PIK3R3: variants seen among roughly 807,000 people sequenced by gnomAD.
The protein encoded by PIK3R3 is phosphoinositide-3-kinase regulatory subunit 3, also known as phosphatidylinositol 3-kinase regulatory subunit gamma.
A neutral mutation model predicts 62.9 loss-of-function variants in PIK3R3; 64 were observed. That is an observed-to-expected ratio of 1.02 (90% CI 0.83 to 1.25). PIK3R3 has a LOEUF of 1.25. PIK3R3 is among the 50% of genes most tolerant of loss of function. PIK3R3 has a pLI of 0.00. For missense variants in PIK3R3, 614 were observed against 561.6 expected (o/e 1.09, Z -0.94); for synonymous variants, 165 against 189.0 (o/e 0.87, Z 1.04).
At chr1:46,137,630 C>T (rs562037055), upstream of PIK3R3, among the ~76,000 whole-genome samples, 1 of 152,330 alleles carries the variant, frequency 6.6e-6, no homozygotes, top group East Asian at 1.9e-4. Context: ...CTGTGCTGGC[C>T]TCTGCACAGC....
the PIK3R3 span, among the ~76,000 whole-genome samples, chr1:46,149,352 G>A: frequency 1.4e-5 from 2 of 147,472 alleles, no homozygotes; most frequent in East Asian, 2.2e-4. Flanking sequence ...AACCCAGGAG[G>A]TAGAGGTTGC....
At chr1:46,136,098 A>G (rs1380754337), upstream of PIK3R3, among the ~76,000 whole-genome samples, 10 of 145,866 alleles carry the variant, frequency 6.9e-5, no homozygotes, top group South Asian at 1.9e-3. Context: ...GATCACTAGC[A>G]TTAGCACCAG....
chr1:46,085,352 C>A (rs1397011207), intron 1 of PIK3R3, among the ~76,000 whole-genome samples: 3 of 152,180 alleles, frequency 2.0e-5, no homozygotes, highest in African/African-American at 7.2e-5. Context: ...TAGATAGACA[C>A]AGTCTCCATA....
chr1:46,062,583 A>AAAAACG (rs1442993462), intron 5 of PIK3R3, among the ~76,000 whole-genome samples: 78 of 152,182 alleles, frequency 5.1e-4, no homozygotes, highest in African/African-American at 1.8e-3. Flanking sequence ...TCAAAAAAAC[A>AAAAACG]AAAAGGCATC....
chr1:46,109,129 A>AT (rs1653486606), intron 1 of PIK3R3, among the ~76,000 whole-genome samples: 1 of 150,450 alleles, frequency 6.6e-6, no homozygotes, highest in Non-Finnish European at 1.5e-5. Flanking sequence ...ACTGCACTCC[A>AT]TCCAGCCTGG....
At chr1:46,107,838 A>T (rs1310844790) in intron 1 of PIK3R3, among the ~76,000 whole-genome samples, 2 of 152,228 alleles carry the variant, frequency 1.3e-5, no homozygotes, top group Non-Finnish European at 2.9e-5. Flanking sequence ...TGCTTTTTTA[A>T]CTAAAAATTA....
At chr1:46,107,258 G>A (rs1041953842) in intron 1 of PIK3R3, among the ~76,000 whole-genome samples, 9 of 152,070 alleles carry the variant, frequency 5.9e-5, no homozygotes, top group African/African-American at 1.9e-4. Flanking sequence ...GCTGAGGCAT[G>A]AGAATTGCTT....
chr1:46,172,943 A>G, the PIK3R3 span, among the ~76,000 whole-genome samples: 7 of 152,158 alleles, frequency 4.6e-5, no homozygotes, highest in African/African-American at 1.2e-4. Context: ...CAGTGAGACA[A>G]GATTGCGCCA....
At chr1:46,055,677 CT>C in intron 7 of PIK3R3, 117 bp downstream of exon 7, 2 of 704,194 alleles carry the variant, frequency 2.8e-6, no homozygotes, top group Non-Finnish European at 4.7e-6. Flanking sequence ...TTCTTACCAT[CT>C]TACTGGCCAA....
chr1:46,074,301 AAAAAAAAAAAAAAAAAC>A (rs1391035930), intron 3 of PIK3R3, among the ~76,000 whole-genome samples: 6 of 144,228 alleles, frequency 4.2e-5, no homozygotes, highest in Admixed American at 7.0e-5. Flanking sequence ...AAAAAAAAAA[AAAAAAAAAAAAAAAAAC>A]CAATAAATTC....
chr1:46,081,879 G>A (rs1365734717), intron 1 of PIK3R3, among the ~76,000 whole-genome samples: 1 of 152,088 alleles, frequency 6.6e-6, no homozygotes. Context: ...GAACAAAACA[G>A]CGAACTGGAA....
Position 46,043,537 on chromosome 1 carries a change from G to T in PIK3R3, c.*136C>A. The T allele has an allele frequency of 1.3e-6, 1 of 762,144 alleles. No homozygotes were observed. Among genetic ancestry groups the T allele is most frequent in the Middle Eastern group, 3.9e-4 (1 of 2,580 alleles). The allele number at this position is 762,144 out of a possible 1,614,324, so 47.2% of individuals were successfully genotyped here. A position where few individuals can be genotyped will look rare whatever the true frequency, so the allele number is the denominator to read the frequency against. ...CCCCCATCCCGGCCGGCTGCTGCTCGGCCTCTCCACTTCACATTCACAAAA... is the reference window on the plus strand; with the variant it reads ...CCCCCATCCCGGCCGGCTGCTGCTCTGCCTCTCCACTTCACATTCACAAAA... On this transcript the variant is annotated 3_prime_UTR_variant, in exon 10 of 10. Coordinates refer to ENST00000262741, the MANE Select transcript of PIK3R3 (RefSeq NM_003629.4).
At chr1:46,049,264 A>G (rs1021372403) in intron 7 of PIK3R3, among the ~76,000 whole-genome samples, 5 of 152,116 alleles carry the variant, frequency 3.3e-5, no homozygotes, top group African/African-American at 1.2e-4. Context: ...GGGAAAAAAT[A>G]TGTATTATAT....
chr1:46,135,404 G>A (rs1208097041), upstream of PIK3R3, among the ~76,000 whole-genome samples: 2 of 152,060 alleles, frequency 1.3e-5, no homozygotes, highest in African/African-American at 2.4e-5. Context: ...ATATATCTAT[G>A]AAATAGATTT....
At chr1:46,129,368 G>T (rs1334958654) in intron 1 of PIK3R3, among the ~76,000 whole-genome samples, 2 of 152,002 alleles carry the variant, frequency 1.3e-5, no homozygotes, top group East Asian at 3.9e-4. Flanking sequence ...AAAAATTAGA[G>T]GGACTTATAT....
At chr1:46,043,955 T>C (rs944531118) in intron 9 of PIK3R3, 84 bp from the exon 10 acceptor site, 79 of 1,165,758 alleles carry the variant, frequency 6.8e-5, no homozygotes, top group Admixed American at 6.5e-4. Flanking sequence ...CTGAGAGCAA[T>C]TGTTATGCAA....
In PIK3R3 at chr1:46,132,486, T is replaced by A; in HGVS notation, c.-534A>T. On this transcript the variant is annotated 5_prime_UTR_variant, in exon 1 of 10. Transcript: ENST00000262741. ...CCCCAGAGGCCGGGACTCGGGCTCC[T>A]CTCCGGTCGGTCTCGGAACCGAAGC... is the stretch of plus-strand genomic sequence containing the variant. 1 of 1,208,210 alleles carries A rather than the reference T, an allele frequency of 8.3e-7. No individual in the cohort carries two copies. The highest frequency in any genetic ancestry group is 1.1e-6 in the Non-Finnish European group (1 of 949,782). The allele number at this position is 1,208,210 out of a possible 1,614,324, so 74.8% of individuals were successfully genotyped here. A position where few individuals can be genotyped will look rare whatever the true frequency, so the allele number is the denominator to read the frequency against.
Position 46,041,329 on chromosome 1 carries a change from C to A in PIK3R3, c.*2344G>T, listed in dbSNP as rs1234549227. On this transcript the variant is annotated 3_prime_UTR_variant, in exon 10 of 10. Coordinates refer to ENST00000262741, the MANE Select transcript of PIK3R3 (RefSeq NM_003629.4). ...AGATACTGTCAAACCTCTCAAATGA[C>A]CCCTGGGTCTTAGATCCCACAAAAC... 1 of 163,242 alleles carries A rather than the reference C, an allele frequency of 6.1e-6. No individual in the cohort carries two copies. The highest frequency in any genetic ancestry group is 1.3e-5 in the Non-Finnish European group (1 of 74,274). The allele number at this position is 163,242 out of a possible 1,614,324, so 10.1% of individuals were successfully genotyped here. A position where few individuals can be genotyped will look rare whatever the true frequency, so the allele number is the denominator to read the frequency against.
chr1:46,111,320 C>A (rs918182800), intron 1 of PIK3R3, among the ~76,000 whole-genome samples: 1 of 152,084 alleles, frequency 6.6e-6, no homozygotes, highest in East Asian at 1.9e-4. Context: ...AGTCTTCTAA[C>A]AATACTTCTT....
Sources: allele counts gnomAD v4.1 joint callset (sites outside exome capture counted in the v4.1 genomes callset), GRCh38; gene constraint gnomAD v4.1.1; transcripts MANE v1.5; gene names NCBI Gene and HGNC (gene_info 2026-07-23, HGNC 2026-07-21).